The following C4orf50 variants were observed in gnomAD, a reference collection of about 807,000 sequenced individuals.
C4orf50 encodes the protein uncharacterized protein C4orf50.
A neutral mutation model predicts 77.2 loss-of-function variants in C4orf50; 80 were observed. The ratio of observed to expected loss-of-function variants is 1.04; its 90% confidence interval spans 0.87 to 1.25. C4orf50 has a LOEUF of 1.25. Among genes scored for constraint, C4orf50 ranks in the 50% most tolerant of loss-of-function variants. The probability of loss-of-function intolerance (pLI) is 0.00; values close to 1 mark genes in which losing one functional copy is unlikely to be tolerated. For missense variants in C4orf50, 1,257 were observed against 1,152.9 expected (o/e 1.09, Z -1.31); for synonymous variants, 532 against 465.3 (o/e 1.14, Z -1.84).
chr4:5,944,174 T>C (rs981285674), intron 7 of C4orf50, among the ~76,000 whole-genome samples: 1 of 152,156 alleles, frequency 6.6e-6, no homozygotes, highest in Non-Finnish European at 1.5e-5. Context: ...TCCCTCCCCA[T>C]GGAGAGTCAT....
intron 29 of C4orf50, among the ~76,000 whole-genome samples, chr4:5,978,120 C>G (rs1407506742): frequency 6.6e-6 from 1 of 152,194 alleles, no homozygotes; most frequent in Non-Finnish European, 1.5e-5. Flanking sequence ...CAATGAGAGA[C>G]AATCTCCCAC....
At chr4:6,012,798 G>A (rs1203704951) in intron 23 of C4orf50, among the ~76,000 whole-genome samples, 1 of 152,216 alleles carries the variant, frequency 6.6e-6, no homozygotes, top group African/African-American at 2.4e-5. Flanking sequence ...GGGAGAGGAG[G>A]CACTGCAAAG....
At chr4:6,003,193 C>A (rs1361709656) in intron 25 of C4orf50, among the ~76,000 whole-genome samples, 1 of 152,220 alleles carries the variant, frequency 6.6e-6, no homozygotes, top group African/African-American at 2.4e-5. Flanking sequence ...AGCTGGTAAC[C>A]GCAGGCCCCA....
rs1577976848 is a variant in C4orf50, at chr4:5,992,695, G to A, written c.1221+108C>T. Reference sequence around the variant, plus strand: ...TCCAGAATGTTCTCCCAGACCTGGAGCTTCTTTACCCCTCCCACATCCTGC... The same window carrying A: ...TCCAGAATGTTCTCCCAGACCTGGAACTTCTTTACCCCTCCCACATCCTGC... On this transcript the variant is annotated intron_variant, in intron 27 of 33. Coordinates refer to ENST00000531445, the Ensembl canonical transcript of C4orf50. The surrounding 1 kb of genome is among the most constrained non-coding windows in gnomAD (Gnocchi z 5.0). 1 of 397,992 alleles carries A rather than the reference G, an allele frequency of 2.5e-6. No individual in the cohort carries two copies. Among genetic ancestry groups the A allele is most frequent in the East Asian group, 3.6e-5 (1 of 28,006 alleles). The allele number at this position is 397,992 out of a possible 1,614,324, so 24.7% of individuals were successfully genotyped here. A position where few individuals can be genotyped will look rare whatever the true frequency, so the allele number is the denominator to read the frequency against.
chr4:5,950,307 G>T (rs1280668777), intron 7 of C4orf50, among the ~76,000 whole-genome samples: 1 of 152,160 alleles, frequency 6.6e-6, no homozygotes, highest in Non-Finnish European at 1.5e-5. Context: ...AGGTGTGATG[G>T]AGCTGGTATC....
At chr4:5,978,057 G>C (rs1205460166) in intron 29 of C4orf50, among the ~76,000 whole-genome samples, 1 of 152,172 alleles carries the variant, frequency 6.6e-6, no homozygotes, top group Non-Finnish European at 1.5e-5. Flanking sequence ...TGACCCACAA[G>C]CACGTGAAAA....
At chr4:5,918,339 A>G (rs1328089985) in intron 7 of C4orf50, among the ~76,000 whole-genome samples, 1 of 152,224 alleles carries the variant, frequency 6.6e-6, no homozygotes, top group Non-Finnish European at 1.5e-5. Context: ...AAGGCTCTGC[A>G]TCTGTTACAG....
At chr4:5,961,595 C>G (rs1417145893) in intron 33 of C4orf50, among the ~76,000 whole-genome samples, 1 of 152,234 alleles carries the variant, frequency 6.6e-6, no homozygotes, top group African/African-American at 2.4e-5. Context: ...CAAGGCCACA[C>G]AGCTAATAGG....
chr4:5,910,913 T>TTC, intron 7 of C4orf50, among the ~76,000 whole-genome samples: 1 of 140,994 alleles, frequency 7.1e-6, no homozygotes, highest in East Asian at 2.3e-4. Context: ...CTTTCTTTTT[T>TTC]TTTTTTTTTT....
intron 25 of C4orf50, among the ~76,000 whole-genome samples, chr4:6,004,393 G>GGTGATGATGGTGA (rs1722133139): frequency 3.3e-5 from 1 of 30,010 alleles, no homozygotes; most frequent in Non-Finnish European, 8.6e-5. Flanking sequence ...GGTGATGGTG[G>GGTGATGATGGTGA]TGATGGTGAT....
chr4:5,998,680 A>G (rs1019388280), intron 25 of C4orf50, among the ~76,000 whole-genome samples: 1 of 152,224 alleles, frequency 6.6e-6, no homozygotes, highest in Non-Finnish European at 1.5e-5. Flanking sequence ...CCTCCAGGCC[A>G]GGCACAGCCC....
intron 7 of C4orf50, among the ~76,000 whole-genome samples, chr4:5,930,752 C>T (rs968927064): frequency 6.6e-6 from 1 of 152,180 alleles, no homozygotes; most frequent in African/African-American, 2.4e-5. Context: ...GTGTTGCACT[C>T]AACTCCAGTG....
At chr4:6,001,455 T>A (rs1347245247) in intron 25 of C4orf50, among the ~76,000 whole-genome samples, 2 of 152,228 alleles carry the variant, frequency 1.3e-5, no homozygotes, top group Non-Finnish European at 2.9e-5. Context: ...AATCACGGTC[T>A]CTTGGGTTCT....
intron 7 of C4orf50, chr4:5,923,416 G>C (rs2108739679): frequency 6.5e-6 from 1 of 154,146 alleles, no homozygotes; most frequent in South Asian, 2.0e-4. Context: ...CAAGGGGAAG[G>C]GGGATGCGGA....
chr4:5,898,634 T>A (rs1716223998), intron 7 of C4orf50: 1 of 152,220 alleles, frequency 6.6e-6, no homozygotes, highest in Non-Finnish European at 1.5e-5. Context: ...CATAGACATT[T>A]ATTTCCCCCA....
At chr4:5,963,382 T>C (rs1347862818) in intron 33 of C4orf50, among the ~76,000 whole-genome samples, 6 of 152,176 alleles carry the variant, frequency 3.9e-5, no homozygotes, top group Non-Finnish European at 7.3e-5. Flanking sequence ...CAAAGCTTTG[T>C]TTTTATTACT....
At chr4:5,981,428 G>A (rs892447588) in intron 28 of C4orf50, among the ~76,000 whole-genome samples, 7 of 145,880 alleles carry the variant, frequency 4.8e-5, no homozygotes, top group Non-Finnish European at 1.0e-4. Flanking sequence ...TTTTGAGATG[G>A]AGTTTCGCTT....
chr4:5,989,507 T>A (rs1276836416), exon 28 of C4orf50: 1 of 1,536,042 alleles, frequency 6.5e-7, no homozygotes, highest in Non-Finnish European at 8.7e-7. Flanking sequence ...TCCCAGCCAC[T>A]GTGCCACTTC....
chr4:5,987,148 T>C (rs2108787308), intron 28 of C4orf50, among the ~76,000 whole-genome samples: 1 of 151,918 alleles, frequency 6.6e-6, no homozygotes, highest in East Asian at 1.9e-4. Context: ...CGGTGGCGCA[T>C]GCCTGTAATC....
Sources: allele counts gnomAD v4.1 joint callset (sites outside exome capture counted in the v4.1 genomes callset), GRCh38; gene constraint gnomAD v4.1.1; non-coding constraint Gnocchi (gnomAD v3.1); transcripts MANE v1.5; gene names NCBI Gene and HGNC (gene_info 2026-07-23, HGNC 2026-07-21).